The following AGBL4 variants were observed in gnomAD, a reference collection of about 807,000 sequenced individuals.
The protein encoded by AGBL4 is cytosolic carboxypeptidase 6.
In AGBL4, 58 loss-of-function variants were observed where a neutral mutation model predicts 66.4. That is an observed-to-expected ratio of 0.87 (90% confidence interval 0.71 to 1.09). The LOEUF (loss-of-function observed/expected upper bound fraction) is 1.09. Among genes scored for constraint, AGBL4 ranks in the 50% least tolerant of loss-of-function variants. The pLI is 0.00. For missense variants in AGBL4, 579 were observed against 631.0 expected (o/e 0.92, Z 0.88); for synonymous variants, 234 against 222.9 (o/e 1.05, Z -0.44).
intron 3 of AGBL4, among the ~76,000 whole-genome samples, chr1:49,594,085 C>T (rs966239224): frequency 6.6e-6 from 1 of 152,088 alleles, no homozygotes. Flanking sequence ...CGTGAAAATT[C>T]GGCTCTTTAT....
chr1:49,604,292 C>T (rs1455834322), intron 3 of AGBL4, among the ~76,000 whole-genome samples: 1 of 152,132 alleles, frequency 6.6e-6, no homozygotes, highest in Non-Finnish European at 1.5e-5. Context: ...CGTGGTACCT[C>T]GTTGTTGTTT....
At chr1:48,560,336 T>C (rs1644379118) in intron 11 of AGBL4, among the ~76,000 whole-genome samples, 1 of 152,284 alleles carries the variant, frequency 6.6e-6, no homozygotes, top group Non-Finnish European at 1.5e-5. Context: ...CATCTTTCAA[T>C]ACCCCATGCC....
At chr1:49,116,620 T>A (rs185903359) in intron 4 of AGBL4, among the ~76,000 whole-genome samples, 1 of 152,334 alleles carries the variant, frequency 6.6e-6, no homozygotes, top group East Asian at 1.9e-4. Context: ...CATTCTATCA[T>A]TGATGGACAT....
chr1:49,553,839 T>G (rs1302308948), intron 3 of AGBL4, among the ~76,000 whole-genome samples: 1 of 152,172 alleles, frequency 6.6e-6, no homozygotes, highest in African/African-American at 2.4e-5. Context: ...AAATTTAAAT[T>G]TTCTTCTCAC....
intron 4 of AGBL4, among the ~76,000 whole-genome samples, chr1:49,207,961 A>G (rs763358781): frequency 1.6e-4 from 25 of 151,892 alleles, no homozygotes; most frequent in Admixed American, 7.2e-4. Flanking sequence ...CTTTACTTCA[A>G]CTCTTACTTC....
At chr1:48,621,168 G>C (rs1280139035) in intron 9 of AGBL4, among the ~76,000 whole-genome samples, 2 of 152,092 alleles carry the variant, frequency 1.3e-5, no homozygotes, top group Non-Finnish European at 2.9e-5. Context: ...AAATTTCCTA[G>C]GACATTAGGA....
At chr1:48,659,518 A>C (rs1646073349) in intron 7 of AGBL4, among the ~76,000 whole-genome samples, 1 of 152,240 alleles carries the variant, frequency 6.6e-6, no homozygotes, top group Non-Finnish European at 1.5e-5. Context: ...ATTTTCAATG[A>C]AAGTTGGCCC....
At chr1:49,266,593 G>A (rs1269984802) in intron 3 of AGBL4, among the ~76,000 whole-genome samples, 2 of 141,714 alleles carry the variant, frequency 1.4e-5, no homozygotes, top group Non-Finnish European at 3.0e-5. Context: ...CCTTAAGTGA[G>A]GAAAATAAAC....
chr1:49,741,905 A>G (rs981448026), intron 2 of AGBL4, among the ~76,000 whole-genome samples: 1 of 152,106 alleles, frequency 6.6e-6, no homozygotes, highest in African/African-American at 2.4e-5. Flanking sequence ...GTATCTCAAA[A>G]TAATAAGAGC....
At chr1:48,865,673 T>TA (rs1647991591) in intron 6 of AGBL4, among the ~76,000 whole-genome samples, 1 of 152,126 alleles carries the variant, frequency 6.6e-6, no homozygotes, top group Non-Finnish European at 1.5e-5. Context: ...GAAATGCACT[T>TA]AACAGAGCCT....
intron 1 of AGBL4, among the ~76,000 whole-genome samples, chr1:49,973,718 T>C (rs1208193605): frequency 1.3e-5 from 2 of 148,982 alleles, no homozygotes; most frequent in African/African-American, 4.9e-5. Flanking sequence ...TATTATATAT[T>C]GTATATCATT....
At chr1:49,195,560 T>A (rs901591865) in intron 4 of AGBL4, among the ~76,000 whole-genome samples, 28 of 152,294 alleles carry the variant, frequency 1.8e-4, no homozygotes, top group Admixed American at 1.3e-4. Flanking sequence ...GGTGACTAGA[T>A]GCTTTTCTCT....
intron 5 of AGBL4, among the ~76,000 whole-genome samples, chr1:48,915,847 G>A (rs1653540181): frequency 6.6e-6 from 1 of 151,936 alleles, no homozygotes; most frequent in African/African-American, 2.4e-5. Flanking sequence ...GGCCTGATAG[G>A]GGTAAGATTT....
chr1:48,600,599 G>T (rs1250586269), intron 9 of AGBL4, among the ~76,000 whole-genome samples: 1 of 152,154 alleles, frequency 6.6e-6, no homozygotes, highest in African/African-American at 2.4e-5. Context: ...TCCTATAAGG[G>T]TAATAACATC....
chr1:49,723,814 T>C (rs1648795341), intron 2 of AGBL4, among the ~76,000 whole-genome samples: 1 of 152,086 alleles, frequency 6.6e-6, no homozygotes, highest in Non-Finnish European at 1.5e-5. Flanking sequence ...CCATGTAACT[T>C]TGGGCAAGTT....
chr1:48,540,210 T>C (rs577416161), intron 11 of AGBL4, among the ~76,000 whole-genome samples: 1 of 152,272 alleles, frequency 6.6e-6, no homozygotes, highest in African/African-American at 2.4e-5. Flanking sequence ...TTTAGTAACC[T>C]CAGGCACAAT....
At chr1:49,156,438 G>A (rs907076478) in intron 4 of AGBL4, among the ~76,000 whole-genome samples, 16 of 152,294 alleles carry the variant, frequency 1.1e-4, no homozygotes, top group African/African-American at 3.8e-4. Context: ...CAGTGTCTGA[G>A]AATGAGGAAT....
intron 1 of AGBL4, among the ~76,000 whole-genome samples, chr1:49,929,223 G>C (rs922566698): frequency 2.0e-5 from 3 of 151,882 alleles, no homozygotes; most frequent in Admixed American, 1.3e-4. Context: ...TCACTTCCTG[G>C]GTGACAGGTT....
chr1:49,638,292 T>C (rs946677714), intron 3 of AGBL4, among the ~76,000 whole-genome samples: 1 of 152,230 alleles, frequency 6.6e-6, no homozygotes, highest in Non-Finnish European at 1.5e-5. Context: ...TCATAATATG[T>C]AGGCAAAATT....
Sources: allele counts gnomAD v4.1 joint callset (sites outside exome capture counted in the v4.1 genomes callset), GRCh38; gene constraint gnomAD v4.1.1; transcripts MANE v1.5; gene names NCBI Gene and HGNC (gene_info 2026-07-23, HGNC 2026-07-21).